The following CDK6 variants were observed in gnomAD, a reference collection of about 807,000 sequenced individuals.
CDK6 encodes cyclin dependent kinase 6.
In CDK6, 6 loss-of-function variants were observed where a neutral mutation model predicts 37.1. That is an observed-to-expected ratio of 0.16 (90% CI 0.09 to 0.32). CDK6 has a LOEUF of 0.32. Among genes scored for constraint, CDK6 ranks in the 10% least tolerant of loss-of-function variants. CDK6 has a pLI of 1.00. For synonymous variants in CDK6, 160 were observed against 161.3 expected (o/e 0.99, Z 0.06); for missense variants, 224 against 418.9 (o/e 0.53, Z 4.06).
intron 4 of CDK6, among the ~76,000 whole-genome samples, chr7:92,672,160 T>TATATATATATATAC (rs1210519115): frequency 5.9e-4 from 47 of 79,072 alleles, no homozygotes; most frequent in East Asian, 1.6e-3. Flanking sequence ...TATATATATA[T>TATATATATATATAC]ACACATACAC....
At chr7:92,617,116 C>CCT (rs1426790915) in intron 7 of CDK6, among the ~76,000 whole-genome samples, 2 of 152,084 alleles carry the variant, frequency 1.3e-5, no homozygotes, top group Non-Finnish European at 2.9e-5. Context: ...GTACATATTC[C>CCT]CTCTTTTCTC....
intron 4 of CDK6, among the ~76,000 whole-genome samples, chr7:92,724,186 C>T (rs1231486190): frequency 1.3e-5 from 2 of 152,180 alleles, no homozygotes; most frequent in Non-Finnish European, 2.9e-5. Context: ...ACCCTTCCCA[C>T]TGGGGAAATA....
At chr7:92,680,435 GAAAAAAAAAA>G (rs778849907) in intron 4 of CDK6, among the ~76,000 whole-genome samples, 2 of 27,920 alleles carry the variant, frequency 7.2e-5, no homozygotes, top group East Asian at 1.0e-3. Flanking sequence ...TTCCATCTCA[GAAAAAAAAAA>G]AAAAAAAAAA....
Position 92,610,037 on chromosome 7 carries a change from CTT to C in CDK6, c.*5101_*5102del. On this transcript the variant is annotated 3_prime_UTR_variant, in exon 8 of 8. Coordinates refer to ENST00000424848, the MANE Select transcript of CDK6 (RefSeq NM_001145306.2). ...GAAAAATAAAGTTAGAATGAAATCT[CTT>C]TTAGAAGTACCTCTTTAGTCTTCAT... 4.3e-6 allele frequency: 1 copy of C among 229,962 alleles called. No homozygotes were observed. 14.2% of individuals were successfully genotyped at this position (229,962 alleles called of 1,614,324 possible). A position where few individuals can be genotyped will look rare whatever the true frequency, so the allele number is the denominator to read the frequency against.
chr7:92,638,514 T>C (rs1796227424), intron 5 of CDK6, among the ~76,000 whole-genome samples: 1 of 152,198 alleles, frequency 6.6e-6, no homozygotes, highest in Admixed American at 6.5e-5. Flanking sequence ...TCACTGAGTC[T>C]TGCTTTGTGC....
chr7:92,832,230 C>T (rs907283310), intron 2 of CDK6, among the ~76,000 whole-genome samples: 4 of 152,130 alleles, frequency 2.6e-5, no homozygotes, highest in Non-Finnish European at 4.4e-5. Context: ...AAGAAAACAC[C>T]ATTATCCTAA....
chr7:92,787,383 AC>A (rs1315084086), intron 2 of CDK6, among the ~76,000 whole-genome samples: 3 of 152,082 alleles, frequency 2.0e-5, no homozygotes, highest in Non-Finnish European at 4.4e-5. Flanking sequence ...CCTACCACTC[AC>A]GTACTTTTCT....
chr7:92,643,421 T>C (rs1158089049), intron 5 of CDK6, among the ~76,000 whole-genome samples: 1 of 152,184 alleles, frequency 6.6e-6, no homozygotes, highest in Non-Finnish European at 1.5e-5. Flanking sequence ...ATGCTGAGTG[T>C]AGGGAACACA....
At chr7:92,694,794 G>A (rs932856944) in intron 4 of CDK6, among the ~76,000 whole-genome samples, 10 of 152,108 alleles carry the variant, frequency 6.6e-5, no homozygotes, top group Non-Finnish European at 1.3e-4. Context: ...GGCCATTTCA[G>A]AAGACATGTC....
intron 5 of CDK6, among the ~76,000 whole-genome samples, chr7:92,635,242 A>G (rs1796143024): frequency 6.6e-6 from 1 of 152,182 alleles, no homozygotes; most frequent in South Asian, 2.1e-4. Context: ...CCGGCCTGTC[A>G]GGTAACAATG....
At chr7:92,627,312 G>C (rs1327256441) in intron 5 of CDK6, among the ~76,000 whole-genome samples, 2 of 152,092 alleles carry the variant, frequency 1.3e-5, no homozygotes, top group Admixed American at 6.6e-5. Flanking sequence ...GGAACTGACT[G>C]TATACAGACT....
At chr7:92,735,086 T>A (rs960370574) in intron 3 of CDK6, among the ~76,000 whole-genome samples, 2 of 152,188 alleles carry the variant, frequency 1.3e-5, no homozygotes, top group Non-Finnish European at 2.9e-5. Flanking sequence ...AATTGGACTA[T>A]TGGCCAAATC....
At chr7:92,689,436 T>G (rs1333462468) in intron 4 of CDK6, among the ~76,000 whole-genome samples, 1 of 152,228 alleles carries the variant, frequency 6.6e-6, no homozygotes, top group Non-Finnish European at 1.5e-5. Context: ...CTCATTTATT[T>G]TATAGCTGCA....
At chr7:92,668,460 C>T (rs946883467) in intron 5 of CDK6, among the ~76,000 whole-genome samples, 2 of 152,110 alleles carry the variant, frequency 1.3e-5, no homozygotes, top group African/African-American at 2.4e-5. Flanking sequence ...GTACCAGTCT[C>T]ATAAGAATAT....
chr7:92,793,476 A>C (rs1423212763), intron 2 of CDK6, among the ~76,000 whole-genome samples: 1 of 152,140 alleles, frequency 6.6e-6, no homozygotes, highest in Non-Finnish European at 1.5e-5. Flanking sequence ...TTTTCAACAA[A>C]TGTGCCAAGA....
intron 4 of CDK6, among the ~76,000 whole-genome samples, chr7:92,722,562 G>C (rs1194395699): frequency 6.6e-6 from 1 of 152,162 alleles, no homozygotes; most frequent in Non-Finnish European, 1.5e-5. Flanking sequence ...AAATCAATCA[G>C]GACTAGGGTG....
intron 5 of CDK6, among the ~76,000 whole-genome samples, chr7:92,632,208 A>G (rs1201998193): frequency 1.3e-5 from 2 of 152,092 alleles, no homozygotes; most frequent in African/African-American, 4.8e-5. Flanking sequence ...ATGTCAGCAA[A>G]ATGACATCTT....
chr7:92,671,984 G>T lies in CDK6; in HGVS notation c.538-449C>A, dbSNP rs1208765091. Among the ~76,000 whole-genome samples the T allele has an allele frequency of 2.6e-5, 4 of 151,404 alleles. No homozygotes were observed. In the South Asian group the frequency reaches 8.4e-4, roughly 32 times the overall value. ...GTAATGGACTTTGGAGACTCAGAAA[G>T]GGGGAGGGTAGAGAAAGGGGTGAAG... On this transcript the variant is annotated intron_variant, in intron 4 of 7. Coordinates refer to ENST00000424848, the MANE Select transcript of CDK6 (RefSeq NM_001145306.2).
intron 3 of CDK6, among the ~76,000 whole-genome samples, chr7:92,751,720 A>G (rs1562955395): frequency 6.6e-6 from 1 of 152,228 alleles, no homozygotes; most frequent in African/African-American, 2.4e-5. Context: ...GATGTTAAGC[A>G]AACAACAATA....
Sources: allele counts gnomAD v4.1 joint callset (sites outside exome capture counted in the v4.1 genomes callset), GRCh38; gene constraint gnomAD v4.1.1; transcripts MANE v1.5; gene names NCBI Gene and HGNC (gene_info 2026-07-23, HGNC 2026-07-21).